RBM20: variants seen among roughly 807,000 people sequenced by gnomAD.
RBM20 encodes RNA binding motif protein 20, also known as RNA-binding protein 20.
RBM20 carries 51 observed loss-of-function variants against 110.1 expected under a neutral mutation model. The ratio of observed to expected loss-of-function variants is 0.46; its 90% CI spans 0.37 to 0.59. RBM20 has a LOEUF of 0.59. Ranked by LOEUF, RBM20 falls within the 20% of genes least tolerant of loss-of-function variation. The pLI, the probability that RBM20 is intolerant of heterozygous loss-of-function variation, is 0.00. For synonymous variants in RBM20, 589 were observed against 618.2 expected (o/e 0.95, Z 0.70); for missense variants, 1,512 against 1,574.9 (o/e 0.96, Z 0.68).
intron 1 of RBM20, among the ~76,000 whole-genome samples, chr10:110,755,693 C>A (rs1483414596): frequency 1.3e-5 from 2 of 152,064 alleles, no homozygotes; most frequent in Non-Finnish European, 2.9e-5. Context: ...ACCTGGTGTC[C>A]CATCTTGGGG....
chr10:110,755,404 C>A (rs1029366737), intron 1 of RBM20, among the ~76,000 whole-genome samples: 1 of 152,188 alleles, frequency 6.6e-6, no homozygotes, highest in African/African-American at 2.4e-5. Flanking sequence ...GATGTGCTAT[C>A]ATTCAGCTCT....
At position 110,670,110 on chromosome 10, in the gene RBM20, T is replaced by C. The variant is rs569796676; in HGVS notation, c.191+25465T>C. 7.2e-5 allele frequency among the ~76,000 whole-genome samples: 11 copies of C among 152,266 alleles called. 1 individual carries two copies. In the South Asian group the frequency reaches 2.3e-3, roughly 32 times the overall value. On this transcript the variant is annotated intron_variant, in intron 1 of 13. Coordinates refer to ENST00000369519, the MANE Select transcript of RBM20 (RefSeq NM_001134363.3). ...TTTGAAGAGTGATTTTTTTAGATGG[T>C]GATTTTTGTGTGAAATAATATTTAC...
chr10:110,675,086 C>A (rs1210071723), intron 1 of RBM20, among the ~76,000 whole-genome samples: 1 of 31,092 alleles, frequency 3.2e-5, no homozygotes, highest in Non-Finnish European at 4.8e-4. Flanking sequence ...TGCAATTTGT[C>A]TGGAAGAAGA....
At position 110,737,300 on chromosome 10, in the gene RBM20, A is replaced by G. The variant is rs188996671; in HGVS notation, c.192-43501A>G. Among the ~76,000 whole-genome samples the G allele has an allele frequency of 2.0e-3, 298 of 152,018 alleles. 2 individuals carry two copies. The highest frequency in any genetic ancestry group is 7.0e-3 in the African/African-American group (289 of 41,432). On this transcript the variant is annotated intron_variant, in intron 1 of 13. Coordinates refer to ENST00000369519, the MANE Select transcript of RBM20 (RefSeq NM_001134363.3). ...CATCTATGAGGAAGTGGTCCTCACC[A>G]GGCACCAAATCTGCTGGTGCCTTGA...
At chr10:110,819,897 C>A (rs1168633411) in intron 9 of RBM20, among the ~76,000 whole-genome samples, 175 bp from the exon 10 acceptor site, 1 of 152,182 alleles carries the variant, frequency 6.6e-6, no homozygotes, top group Non-Finnish European at 1.5e-5. Context: ...GTTTTCTAAT[C>A]TATAAAACGA....
intron 1 of RBM20, among the ~76,000 whole-genome samples, chr10:110,699,103 G>A (rs754848398): frequency 6.6e-6 from 1 of 152,204 alleles, no homozygotes; most frequent in South Asian, 2.1e-4. Context: ...GCCATTGGTC[G>A]TTCACACGTC....
At chr10:110,698,493 T>C (rs370616933) in intron 1 of RBM20, among the ~76,000 whole-genome samples, 6 of 152,198 alleles carry the variant, frequency 3.9e-5, no homozygotes, top group African/African-American at 1.4e-4. Flanking sequence ...GTTGACACCC[T>C]GTGAGGAGGG....
At chr10:110,823,220 A>G (rs2135124874) in intron 11 of RBM20, among the ~76,000 whole-genome samples, 1 of 152,274 alleles carries the variant, frequency 6.6e-6, no homozygotes, top group East Asian at 1.9e-4. Flanking sequence ...AGGCATCAGC[A>G]GCCCATCCCC....
intron 1 of RBM20, among the ~76,000 whole-genome samples, chr10:110,698,053 G>T (rs1455174397): frequency 1.3e-5 from 2 of 151,964 alleles, no homozygotes; most frequent in South Asian, 4.2e-4. Context: ...GACTACAGGC[G>T]CCCACCAACA....
chr10:110,721,882 G>T (rs967873274), intron 1 of RBM20, among the ~76,000 whole-genome samples: 1 of 152,042 alleles, frequency 6.6e-6, no homozygotes, highest in African/African-American at 2.4e-5. Context: ...GCAGTCTCTG[G>T]GGGGATGCAT....
intron 1 of RBM20, among the ~76,000 whole-genome samples, chr10:110,712,029 A>C (rs935930056): frequency 1.3e-5 from 2 of 152,254 alleles, no homozygotes; most frequent in African/African-American, 4.8e-5. Context: ...TCTTATTAGA[A>C]TCAGTAATAG....
At chr10:110,737,215 C>CAAAAAAAAAAAAAAA (rs1374815475) in intron 1 of RBM20, among the ~76,000 whole-genome samples, 1 of 97,868 alleles carries the variant, frequency 1.0e-5, no homozygotes, top group Non-Finnish European at 2.4e-5. Flanking sequence ...CACACACACT[C>CAAAAAAAAAAAAAAA]AAAAACAACA....
intron 7 of RBM20, among the ~76,000 whole-genome samples, chr10:110,804,292 A>G (rs1844668373): frequency 6.6e-6 from 1 of 152,156 alleles, no homozygotes; most frequent in Non-Finnish European, 1.5e-5. Flanking sequence ...CTGGAGCAAG[A>G]TGAGGGAGGA....
At chr10:110,643,823 T>TC (rs898846875), upstream of RBM20, among the ~76,000 whole-genome samples, 17 of 152,124 alleles carry the variant, frequency 1.1e-4, no homozygotes, top group Non-Finnish European at 2.2e-4. Flanking sequence ...GTCGGGTGCC[T>TC]CAAGAGCCAG....
intron 4 of RBM20, 37 bp downstream of exon 4, chr10:110,784,469 A>C (rs1844395694): frequency 2.7e-6 from 4 of 1,457,828 alleles, no homozygotes; most frequent in Admixed American, 3.9e-5. Context: ...CTTGAAGCAG[A>C]AGTGGGCTAC....
At position 110,644,387 on chromosome 10, in the gene RBM20, C is replaced by A; in HGVS notation, c.-68C>A. On this transcript the variant is annotated 5_prime_UTR_variant, in exon 1 of 14. Coordinates refer to ENST00000369519, the MANE Select transcript of RBM20 (RefSeq NM_001134363.3). The surrounding 1 kb of genome is among the most constrained non-coding windows in gnomAD (Gnocchi z 4.3). ...GGGCACGGGGACCCCGGCCAGTGAG[C>A]GCCCGTGGCCCGGGACCGCCCCTCC... 1 of 1,276,752 alleles carries A rather than the reference C, an allele frequency of 7.8e-7. No homozygotes were observed. The highest frequency in any genetic ancestry group is 1.0e-6 in the Non-Finnish European group (1 of 986,960). 79.1% of individuals were successfully genotyped at this position (1,276,752 alleles called of 1,614,324 possible).
chr10:110,748,929 T>C (rs1249580463), intron 1 of RBM20, among the ~76,000 whole-genome samples: 1 of 152,218 alleles, frequency 6.6e-6, no homozygotes, highest in Admixed American at 6.5e-5. Flanking sequence ...GCCTACTGTG[T>C]GACACACAGT....
intron 1 of RBM20, among the ~76,000 whole-genome samples, chr10:110,692,343 T>C (rs940737156): frequency 7.9e-5 from 12 of 152,300 alleles, no homozygotes; most frequent in African/African-American, 2.6e-4. Context: ...TACATTCAAT[T>C]TGTAGGTCAC....
At chr10:110,737,405 C>T (rs1033268585) in intron 1 of RBM20, among the ~76,000 whole-genome samples, 22 of 152,058 alleles carry the variant, frequency 1.4e-4, no homozygotes, top group African/African-American at 4.8e-4. Context: ...GTTTAGCAAT[C>T]TGAAATGACT....
Sources: allele counts gnomAD v4.1 joint callset (sites outside exome capture counted in the v4.1 genomes callset), GRCh38; gene constraint gnomAD v4.1.1; non-coding constraint Gnocchi (gnomAD v3.1); transcripts MANE v1.5; gene names NCBI Gene and HGNC (gene_info 2026-07-23, HGNC 2026-07-21).